KCNT2: variants seen among roughly 807,000 people sequenced by gnomAD.
KCNT2 encodes the protein potassium sodium-activated channel subfamily T member 2.
In KCNT2, 67 loss-of-function variants were observed where a neutral mutation model predicts 153.8. That is an observed-to-expected ratio of 0.44 (90% CI 0.36 to 0.53). The LOEUF is 0.53. Among genes scored for constraint, KCNT2 ranks in the 20% least tolerant of loss-of-function variants. KCNT2 has a pLI of 0.00. For missense variants in KCNT2, 975 were observed against 1,354.8 expected, an observed-to-expected ratio of 0.72 and a Z score of 4.40; for synonymous variants, 500 against 458.8, an observed-to-expected ratio of 1.09 and a Z score of -1.15.
rs780509436 is a variant in KCNT2, at chr1:196,226,994, A to G, written c.*1230T>C. 7 of 151,992 alleles carry G rather than the reference A, an allele frequency of 4.6e-5. No homozygotes were observed. The highest frequency in any genetic ancestry group is 8.8e-5 in the Non-Finnish European group (6 of 67,856). The allele number at this position is 151,992 out of a possible 1,614,324, so 9.4% of individuals were successfully genotyped here. On this transcript the variant is annotated 3_prime_UTR_variant, in exon 28 of 28. Transcript: ENST00000294725. ...ATCTATTTCTCTAGGGGGAAAATGC[A>G]ATACAGGTAAAAAATGAAAAACTGG...
Position 196,231,734 on chromosome 1 carries a change from C to T in KCNT2, c.3297-3399G>A, listed in dbSNP as rs1444894447. ...ATTTGACTTTAGAAAACTAGTAAAT[C>T]ATGGTAGGTAAAGTCAAAAACAAAG... On this transcript the variant is annotated intron_variant, in intron 27 of 27. Coordinates refer to ENST00000294725, the MANE Select transcript of KCNT2 (RefSeq NM_198503.5). Among the ~76,000 whole-genome samples the T allele has an allele frequency of 2.0e-5, 3 of 151,626 alleles. No homozygotes were observed. In the East Asian group the frequency reaches 5.8e-4, roughly 29 times the overall value.
intron 1 of KCNT2, among the ~76,000 whole-genome samples, chr1:196,562,895 A>G (rs182647998): frequency 2.0e-5 from 3 of 152,030 alleles, no homozygotes; most frequent in Non-Finnish European, 4.4e-5. Context: ...AAACTCTACC[A>G]TCTAAATATA....
chr1:196,458,562 C>A (rs1231506257), intron 8 of KCNT2, among the ~76,000 whole-genome samples: 1 of 151,898 alleles, frequency 6.6e-6, no homozygotes, highest in Non-Finnish European at 1.5e-5. Flanking sequence ...TTAAAGAGGT[C>A]CTGTATATCA....
intron 14 of KCNT2, among the ~76,000 whole-genome samples, chr1:196,362,252 CAA>C (rs1230656563): frequency 1.3e-5 from 2 of 152,068 alleles, no homozygotes; most frequent in Non-Finnish European, 2.9e-5. Flanking sequence ...TAAAGGGAAA[CAA>C]AGTCTTCCTG....
chr1:196,255,500 T>C (rs748462223), intron 26 of KCNT2, among the ~76,000 whole-genome samples: 1 of 151,814 alleles, frequency 6.6e-6, no homozygotes, highest in Non-Finnish European at 1.5e-5. Context: ...TCCCAATCCC[T>C]TGGAGCTAGA....
intron 18 of KCNT2, among the ~76,000 whole-genome samples, chr1:196,328,745 C>T (rs112805656): frequency 0.01 from 1,571 of 151,920 alleles, 25 homozygotes; most frequent in African/African-American, 0.034. Flanking sequence ...AAAGGATTCT[C>T]CACCAATAGA....
rs146303555 is a variant in KCNT2, at chr1:196,607,785, T to C, written c.95+430A>G. On this transcript the variant is annotated intron_variant, in intron 1 of 27. Coordinates refer to ENST00000294725, the MANE Select transcript of KCNT2 (RefSeq NM_198503.5). ...GAGGAGGTAAATAGACTCAGGAGATTTTAAGTTTCTAATGTGCTTTTTCAA... is the reference window on the plus strand; with the variant it reads ...GAGGAGGTAAATAGACTCAGGAGATCTTAAGTTTCTAATGTGCTTTTTCAA... Among the ~76,000 whole-genome samples, 526 of 152,226 alleles carry C rather than the reference T, an allele frequency of 3.5e-3. 2 individuals are homozygous for C. The highest frequency in any genetic ancestry group is 0.015 in the East Asian group (80 of 5,174).
chr1:196,338,781 G>A (rs1221300378), intron 16 of KCNT2, among the ~76,000 whole-genome samples: 5 of 151,828 alleles, frequency 3.3e-5, no homozygotes, highest in African/African-American at 7.2e-5. Context: ...CACAGACCAC[G>A]ATGATGTTGG....
chr1:196,603,904 T>C (rs1043580770), intron 1 of KCNT2, among the ~76,000 whole-genome samples: 2 of 152,266 alleles, frequency 1.3e-5, no homozygotes, highest in African/African-American at 4.8e-5. Flanking sequence ...AACTGGCTGA[T>C]GACTTTTAAA....
intron 1 of KCNT2, among the ~76,000 whole-genome samples, chr1:196,557,933 G>C (rs1427896477): frequency 3.3e-5 from 5 of 151,170 alleles, no homozygotes; most frequent in Non-Finnish European, 7.4e-5. Flanking sequence ...GAAATACTAA[G>C]AAAAAGCAAT....
chr1:196,423,234 C>T lies in KCNT2; in HGVS notation c.1122-121G>A, dbSNP rs556909693. On this transcript the variant is annotated intron_variant, in intron 11 of 27. Transcript: ENST00000294725. The stretch of plus-strand genomic sequence containing the variant: ...AAATGTACATGTAGACCATGTATAT[C>T]CTTAAGCTTAAATGAAAGTTGAATT... 7 of 496,532 alleles carry T rather than the reference C, an allele frequency of 1.4e-5. No homozygotes were observed. The South Asian group carries it at 3.5e-4, about 25-fold the overall frequency. 30.8% of individuals were successfully genotyped at this position (496,532 alleles called of 1,614,324 possible).
chr1:196,549,003 TG>T (rs1483107727), intron 1 of KCNT2, among the ~76,000 whole-genome samples: 5 of 135,178 alleles, frequency 3.7e-5, no homozygotes, highest in African/African-American at 1.4e-4. Flanking sequence ...TGGGGACTGT[TG>T]TGGGGTGGGG....
At chr1:196,496,196 A>C (rs1680235814) in intron 1 of KCNT2, among the ~76,000 whole-genome samples, 1 of 152,156 alleles carries the variant, frequency 6.6e-6, no homozygotes, top group African/African-American at 2.4e-5. Flanking sequence ...TAGGCCAGGC[A>C]CGGTGGCTCA....
chr1:196,388,935 C>T (rs1670238299), intron 13 of KCNT2, among the ~76,000 whole-genome samples: 2 of 151,718 alleles, frequency 1.3e-5, no homozygotes, highest in Admixed American at 6.6e-5. Flanking sequence ...AAGTAGAGCA[C>T]ACAGCTTTGA....
chr1:196,554,852 C>T (rs547900332), intron 1 of KCNT2, among the ~76,000 whole-genome samples: 23 of 150,912 alleles, frequency 1.5e-4, no homozygotes, highest in South Asian at 4.2e-4. Context: ...TCAATCAATG[C>T]GATACATCAT....
intron 14 of KCNT2, among the ~76,000 whole-genome samples, chr1:196,354,752 T>C (rs1667033899): frequency 6.6e-6 from 1 of 151,772 alleles, no homozygotes; most frequent in South Asian, 2.1e-4. Context: ...TTAAATCTAA[T>C]TAAAATTAAT....
intron 3 of KCNT2, among the ~76,000 whole-genome samples, chr1:196,488,901 T>C (rs1031042909): frequency 1.3e-5 from 2 of 151,932 alleles, no homozygotes; most frequent in African/African-American, 4.8e-5. Context: ...GCTTTGGCTG[T>C]TGTGAGAGAA....
chr1:196,422,306 C>T (rs1673282367), intron 12 of KCNT2, among the ~76,000 whole-genome samples: 1 of 151,874 alleles, frequency 6.6e-6, no homozygotes, highest in Non-Finnish European at 1.5e-5. Flanking sequence ...TTTGCCTTTT[C>T]CCATTCTCTA....
At chr1:196,521,573 A>G (rs183836322) in intron 1 of KCNT2, among the ~76,000 whole-genome samples, 73 of 152,358 alleles carry the variant, frequency 4.8e-4, no homozygotes, top group Admixed American at 1.4e-3. Context: ...GGTAGACTGA[A>G]AAAAGAAAAT....
Sources: allele counts gnomAD v4.1 joint callset (sites outside exome capture counted in the v4.1 genomes callset), GRCh38; gene constraint gnomAD v4.1.1; transcripts MANE v1.5; gene names NCBI Gene and HGNC (gene_info 2026-07-23, HGNC 2026-07-21).